Variants in ANGPT1 observed in about 807,000 individuals in gnomAD.
The protein encoded by ANGPT1 is angiopoietin-1.
Under a neutral mutation model 62.2 loss-of-function variants are expected in ANGPT1, and 17 were observed. The ratio of observed to expected loss-of-function variants is 0.27; its 90% CI spans 0.19 to 0.41. The LOEUF is 0.41. Ranked by LOEUF, ANGPT1 falls within the 10% of genes least tolerant of loss-of-function variation. The probability of loss-of-function intolerance (pLI) is 1.00; values close to 1 mark genes in which losing one functional copy is unlikely to be tolerated. For missense variants in ANGPT1, 478 were observed against 594.9 expected, an observed-to-expected ratio of 0.80 and a Z score of 2.04; for synonymous variants, 199 against 198.9, an observed-to-expected ratio of 1.00 and a Z score of 0.00.
chr8:107,488,387 C>A (rs1334375296), intron 1 of ANGPT1, among the ~76,000 whole-genome samples: 1 of 152,060 alleles, frequency 6.6e-6, no homozygotes, highest in Non-Finnish European at 1.5e-5. Flanking sequence ...GGATGCCCTG[C>A]GGAATGCTCT....
At chr8:107,364,229 A>G (rs1168260758) in intron 1 of ANGPT1, among the ~76,000 whole-genome samples, 8 of 152,310 alleles carry the variant, frequency 5.3e-5, no homozygotes, top group Non-Finnish European at 1.5e-5. Flanking sequence ...ATGATTAAAT[A>G]AAGAAATGCT....
At chr8:107,375,595 T>C (rs529646338) in intron 1 of ANGPT1, among the ~76,000 whole-genome samples, 2 of 152,286 alleles carry the variant, frequency 1.3e-5, no homozygotes, top group African/African-American at 4.8e-5. Context: ...AGACCTGATA[T>C]GTGTATTGAG....
chr8:107,309,436 T>C (rs949755915), intron 4 of ANGPT1, among the ~76,000 whole-genome samples: 1 of 152,188 alleles, frequency 6.6e-6, no homozygotes, highest in Non-Finnish European at 1.5e-5. Flanking sequence ...GATTTTGTGC[T>C]TTTCAGCCAG....
chr8:107,251,765 G>A lies in ANGPT1; in HGVS notation c.*90C>T, dbSNP rs1813252470. ...TTATTGCTGGAAGGGAGACAATATTGTTTGCTTCTGAAGTTTTCAAACAGT... is the reference window on the plus strand; with the variant it reads ...TTATTGCTGGAAGGGAGACAATATTATTTGCTTCTGAAGTTTTCAAACAGT... On this transcript the variant is annotated 3_prime_UTR_variant, in exon 9 of 9. Transcript: ENST00000517746. 3.4e-6 allele frequency: 5 copies of A among 1,475,448 alleles called. No individual in the cohort carries two copies. In the Admixed American group the frequency reaches 7.4e-5, roughly 22 times the overall value. 91.4% of individuals were successfully genotyped at this position (1,475,448 alleles called of 1,614,324 possible).
At chr8:107,486,976 C>T (rs1470071467) in intron 1 of ANGPT1, among the ~76,000 whole-genome samples, 2 of 152,074 alleles carry the variant, frequency 1.3e-5, no homozygotes, top group Non-Finnish European at 2.9e-5. Flanking sequence ...GGTTTCCTGC[C>T]CTTTGTTAAT....
chr8:107,435,389 G>A (rs1811308054), intron 1 of ANGPT1, among the ~76,000 whole-genome samples: 2 of 152,182 alleles, frequency 1.3e-5, no homozygotes, highest in Non-Finnish European at 2.9e-5. Context: ...CTACGGACAG[G>A]TGTTTTCTAG....
chr8:107,301,031 C>T (rs79583020), intron 5 of ANGPT1, among the ~76,000 whole-genome samples: 1 of 151,868 alleles, frequency 6.6e-6, no homozygotes, highest in Non-Finnish European at 1.5e-5. Flanking sequence ...CCATTTGCAT[C>T]TCATAATGTT....
intron 5 of ANGPT1, 112 bp from the exon 6 acceptor site, chr8:107,294,149 G>A (rs768564856): frequency 4.6e-5 from 30 of 649,818 alleles, no homozygotes; most frequent in Admixed American, 1.8e-4. Flanking sequence ...TACAAAAACC[G>A]AAATTACTAT....
intron 1 of ANGPT1, among the ~76,000 whole-genome samples, chr8:107,479,967 CT>C (rs1812632572): frequency 6.6e-6 from 1 of 152,084 alleles, no homozygotes; most frequent in Non-Finnish European, 1.5e-5. Context: ...AAATAGTTAA[CT>C]TTTTGAGAAT....
chr8:107,376,905 T>C (rs1816541267), intron 1 of ANGPT1, among the ~76,000 whole-genome samples: 1 of 152,178 alleles, frequency 6.6e-6, no homozygotes, highest in Non-Finnish European at 1.5e-5. Context: ...GTTTAGGAAA[T>C]TTCCAATTTT....
intron 5 of ANGPT1, among the ~76,000 whole-genome samples, chr8:107,297,143 T>C (rs536483650): frequency 6.6e-6 from 1 of 152,134 alleles, no homozygotes; most frequent in Admixed American, 6.6e-5. Flanking sequence ...CATTGGGAAA[T>C]ATAAATTACC....
chr8:107,280,830 T>C, intron 7 of ANGPT1, among the ~76,000 whole-genome samples: 1 of 152,134 alleles, frequency 6.6e-6, no homozygotes, highest in East Asian at 1.9e-4. Flanking sequence ...AGTTGTCTGT[T>C]AGAAAAATCA....
intron 1 of ANGPT1, among the ~76,000 whole-genome samples, chr8:107,486,769 C>T (rs2130532656): frequency 6.6e-6 from 1 of 152,224 alleles, no homozygotes; most frequent in East Asian, 1.9e-4. Flanking sequence ...AGGCATGACA[C>T]ACTTCATCAC....
intron 1 of ANGPT1, among the ~76,000 whole-genome samples, chr8:107,468,747 G>T (rs1393430441): frequency 6.6e-6 from 1 of 151,956 alleles, no homozygotes; most frequent in African/African-American, 2.4e-5. Flanking sequence ...AATATTACAG[G>T]AGGCCTGTTG....
intron 1 of ANGPT1, among the ~76,000 whole-genome samples, chr8:107,388,683 C>T (rs554023397): frequency 2.0e-5 from 3 of 152,164 alleles, no homozygotes; most frequent in East Asian, 1.9e-4. Flanking sequence ...AACGCACACC[C>T]GTGAATCTGT....
intron 3 of ANGPT1, chr8:107,322,758 G>A: frequency 3.3e-6 from 1 of 307,652 alleles, no homozygotes; most frequent in Non-Finnish European, 6.3e-6. Flanking sequence ...ATCATTTTAA[G>A]GATATTAGAA....
At chr8:107,422,116 T>A (rs1810910464) in intron 1 of ANGPT1, among the ~76,000 whole-genome samples, 1 of 152,320 alleles carries the variant, frequency 6.6e-6, no homozygotes, top group Non-Finnish European at 1.5e-5. Flanking sequence ...ATTTTAAGGG[T>A]AATTTCGAGA....
At chr8:107,421,377 G>A (rs969677481) in intron 1 of ANGPT1, among the ~76,000 whole-genome samples, 3 of 152,140 alleles carry the variant, frequency 2.0e-5, no homozygotes, top group Non-Finnish European at 4.4e-5. Context: ...TAATAAAAAT[G>A]TCCAGTGGCC....
At chr8:107,376,187 T>C (rs768068643) in intron 1 of ANGPT1, among the ~76,000 whole-genome samples, 1 of 152,224 alleles carries the variant, frequency 6.6e-6, no homozygotes, top group Admixed American at 6.5e-5. Context: ...TGCCTAACAT[T>C]CTGTGCCTAT....
Sources: gnomAD v4.1 joint callset for allele counts (sites outside exome capture counted in the v4.1 genomes callset) on GRCh38, gnomAD v4.1.1 for gene constraint, MANE v1.5 for transcripts, NCBI Gene and HGNC (gene_info 2026-07-23, HGNC 2026-07-21) for gene names.